ZDHHC5: variants seen among roughly 807,000 people sequenced by gnomAD.
The protein encoded by ZDHHC5 is palmitoyltransferase ZDHHC5.
In ZDHHC5, 22 loss-of-function variants were observed where a neutral mutation model predicts 70.0. The observed-to-expected ratio is 0.31, with a 90% CI of 0.22 to 0.45. ZDHHC5 has a LOEUF of 0.45. Ranked by LOEUF, ZDHHC5 falls within the 20% of genes least tolerant of loss-of-function variation. The pLI, the probability that ZDHHC5 is intolerant of heterozygous loss-of-function variation, is 1.00. For synonymous variants in ZDHHC5, 313 were observed against 347.8 expected, an observed-to-expected ratio of 0.90 and a Z score of 1.11; for missense variants, 746 against 926.9, an observed-to-expected ratio of 0.80 and a Z score of 2.53.
At chr11:57,693,269 C>T (rs1311865202) in intron 7 of ZDHHC5, among the ~76,000 whole-genome samples, 1 of 152,152 alleles carries the variant, frequency 6.6e-6, no homozygotes, top group Non-Finnish European at 1.5e-5. Context: ...AGCACACATA[C>T]AACCTAGATT....
intron 7 of ZDHHC5, 73 bp downstream of exon 7, chr11:57,692,775 A>C (rs567123574): frequency 1.3e-6 from 2 of 1,521,722 alleles, no homozygotes; most frequent in Admixed American, 1.8e-5. Flanking sequence ...GTTCTGGTAA[A>C]GGAGGGGTCT....
rs138361806 is a variant in ZDHHC5 at position 57,698,590 on chromosome 11, C to A, written c.1154C>A (p.Thr385Asn). Residue 385 changes from threonine (T) to asparagine (N), a missense_variant, in exon 11 of 12, where the codon ACC (threonine) becomes AAC (asparagine). Transcript: ENST00000287169. ...CGTGGGGACAGCTTGAAGGAGCCAA[C>A]CTCAATTGCAGAGAGCAGCCGTCAC... ...LSRGDSLKEPTSIAESSRHPS... is the reference protein window; with the variant it reads ...LSRGDSLKEPNSIAESSRHPS... The A allele has an allele frequency of 9.1e-5, 146 of 1,611,788 alleles. No homozygotes were observed. The highest frequency in any genetic ancestry group is 2.3e-4 in the Admixed American group (14 of 59,750).
rs1162511563 is a variant in ZDHHC5, at chr11:57,699,277, T to G, written c.1841T>G (p.Leu614Arg). The G allele has an allele frequency of 6.2e-7, 1 of 1,614,232 alleles. No individual in the cohort carries two copies. Among genetic ancestry groups the G allele is most frequent in the African/African-American group, 1.3e-5 (1 of 75,078 alleles). ...AVPRFGKPDGLRGRGVGSPEP... is the reference protein window; with the variant it reads ...AVPRFGKPDGRRGRGVGSPEP... ...CCCCGTTTTGGCAAGCCAGATGGGC[T>G]AAGGGGCCGGGGAGTAGGGTCCCCT... The change falls in exon 11 of 12, where the codon CTA becomes CGA. Residue 614 changes from leucine (L) to arginine (R), a missense_variant. Leu to Arg is a moderately radical substitution (Grantham distance 102). Coordinates refer to ENST00000287169, the MANE Select transcript of ZDHHC5 (RefSeq NM_015457.3).
chr11:57,684,715 G>A (rs1179157476), intron 3 of ZDHHC5, among the ~76,000 whole-genome samples: 1 of 152,164 alleles, frequency 6.6e-6, no homozygotes, highest in African/African-American at 2.4e-5. Flanking sequence ...ATCATCAGTG[G>A]ACTAAAAGGT....
intron 3 of ZDHHC5, among the ~76,000 whole-genome samples, chr11:57,683,426 C>T (rs1409065378): frequency 6.6e-6 from 1 of 152,086 alleles, no homozygotes; most frequent in Non-Finnish European, 1.5e-5. Flanking sequence ...CATGACTTTT[C>T]ATGATTTTAT....
chr11:57,701,006 C>T lies in ZDHHC5; in HGVS notation c.*975C>T, dbSNP rs549443325. ...AAGGAGTGGCAGGCCTAGGCCCCTC[C>T]GATTGTCCCTTGGGGGTTACCCCTC... On this transcript the variant is annotated 3_prime_UTR_variant, in exon 12 of 12. Transcript: ENST00000287169. 3.9e-5 allele frequency: 6 copies of T among 152,772 alleles called. No homozygotes were observed. The highest frequency in any genetic ancestry group is 2.1e-4 in the South Asian group (1 of 4,824). 9.5% of individuals were successfully genotyped at this position (152,772 alleles called of 1,614,324 possible).
rs1565198067 is a variant in ZDHHC5, at chr11:57,695,900, C to T, written c.886-20C>T. On this transcript the variant is annotated intron_variant, in intron 8 of 11. Transcript: ENST00000287169. ...ATGCTCAATTTCTAAATCTGATTTT[C>T]CCTCCCTTCATCAATCCAGTCTAAG... 6.2e-7 allele frequency: 1 copy of T among 1,606,104 alleles called. No homozygotes were observed. Among genetic ancestry groups the T allele is most frequent in the East Asian group, 2.2e-5 (1 of 44,796 alleles).
chr11:57,686,987 C>T (rs1284806415), intron 3 of ZDHHC5, among the ~76,000 whole-genome samples: 3 of 151,946 alleles, frequency 2.0e-5, no homozygotes, highest in African/African-American at 7.3e-5. Context: ...TGTGCCACCA[C>T]CCCTGGTTAA....
chr11:57,698,530 C>T (rs369653893), intron 10 of ZDHHC5, 29 bp from the exon 11 acceptor site: 8 of 1,562,170 alleles, frequency 5.1e-6, no homozygotes, highest in East Asian at 2.2e-5. Flanking sequence ...AAAAGGAGCA[C>T]TAAGAGCCTG....
At chr11:57,682,767 T>G (rs1316852042) in intron 3 of ZDHHC5, among the ~76,000 whole-genome samples, 2 of 152,242 alleles carry the variant, frequency 1.3e-5, no homozygotes, top group African/African-American at 4.8e-5. Flanking sequence ...TAGGAATATA[T>G]GTCATAACTT....
chr11:57,698,168 C>G (rs892128878), intron 10 of ZDHHC5, among the ~76,000 whole-genome samples: 3 of 149,140 alleles, frequency 2.0e-5, no homozygotes, highest in African/African-American at 7.6e-5. Flanking sequence ...CCAACTGTTA[C>G]GGGAAAAAAA....
intron 2 of ZDHHC5, among the ~76,000 whole-genome samples, chr11:57,680,655 C>T (rs1288779601): frequency 2.0e-5 from 3 of 152,136 alleles, no homozygotes; most frequent in Admixed American, 6.5e-5. Flanking sequence ...CTTCCCCAGG[C>T]GGAAATTGAA....
At position 57,696,061 on chromosome 11, in the gene ZDHHC5, T is replaced by A; in HGVS notation, c.1009+18T>A. On this transcript the variant is annotated intron_variant, in intron 9 of 11. Coordinates refer to ENST00000287169, the MANE Select transcript of ZDHHC5 (RefSeq NM_015457.3). ...TAATGAGGGTAAGGGCTGCCTTGAT[T>A]TGCAAGATACTAGAACTAGGGGCAG... 6.2e-7 allele frequency: 1 copy of A among 1,603,714 alleles called. No homozygotes were observed. Among genetic ancestry groups the A allele is most frequent in the Admixed American group, 1.8e-5 (1 of 56,856 alleles).
At chr11:57,695,099 T>C (rs1590870347) in intron 8 of ZDHHC5, among the ~76,000 whole-genome samples, 1 of 152,028 alleles carries the variant, frequency 6.6e-6, no homozygotes, top group Non-Finnish European at 1.5e-5. Context: ...CCTGTCTCTA[T>C]TAAAAATACA....
At chr11:57,671,396 A>G (rs762846598) in intron 1 of ZDHHC5, among the ~76,000 whole-genome samples, 1 of 152,198 alleles carries the variant, frequency 6.6e-6, no homozygotes, top group African/African-American at 2.4e-5. Flanking sequence ...TGAATTGGGA[A>G]AAAAGAACCA....
chr11:57,698,675 C>T lies in ZDHHC5; in HGVS notation c.1239C>T (p.Gly413=), dbSNP rs1207466821. 6.2e-7 allele frequency: 1 copy of T among 1,614,172 alleles called. No individual in the cohort carries two copies. The highest frequency in any genetic ancestry group is 1.1e-5 in the South Asian group (1 of 91,084). ...EPESFRSPTF[G]KSFHFDPLSS... ...AGAGCTTCCGTTCTCCTACCTTTGG[C>T]AAAAGTTTTCACTTCGATCCACTAT... The change falls in exon 11 of 12, where the codon GGC becomes GGT. Residue 413 remains glycine (G), a synonymous_variant. Coordinates refer to ENST00000287169, the MANE Select transcript of ZDHHC5 (RefSeq NM_015457.3).
intron 7 of ZDHHC5, among the ~76,000 whole-genome samples, chr11:57,693,462 T>C (rs1218708157): frequency 2.6e-5 from 4 of 152,104 alleles, no homozygotes; most frequent in South Asian, 4.1e-4. Context: ...GGCCCAGGGG[T>C]TGGGGACCCC....
At chr11:57,685,756 C>G (rs189116996) in intron 3 of ZDHHC5, among the ~76,000 whole-genome samples, 1 of 151,756 alleles carries the variant, frequency 6.6e-6, no homozygotes, top group African/African-American at 2.4e-5. Context: ...GGCCGGGTGC[C>G]GTGACTCACG....
In ZDHHC5 at chr11:57,695,988, A is replaced by T; in HGVS notation, c.954A>T (p.Pro318=). The T allele has an allele frequency of 6.2e-7, 1 of 1,614,166 alleles. No homozygotes were observed. The highest frequency in any genetic ancestry group is 8.5e-7 in the Non-Finnish European group (1 of 1,180,044). ...ADAEPPPPPK[P]DLSRYTGLRT... is the part of the protein sequence containing the mutation. ...CTGAACCTCCACCTCCTCCTAAGCC[A>T]GACCTGAGCCGTTACACAGGGTTGC... is the stretch of plus-strand genomic sequence containing the variant. Residue 318 remains proline, a synonymous_variant, in exon 9 of 12, where the codon CCA becomes CCT. Coordinates refer to ENST00000287169, the MANE Select transcript of ZDHHC5 (RefSeq NM_015457.3).
Sources: gnomAD v4.1 joint callset for allele counts (sites outside exome capture counted in the v4.1 genomes callset) on GRCh38, gnomAD v4.1.1 for gene constraint, MANE v1.5 for transcripts, NCBI Gene and HGNC (gene_info 2026-07-23, HGNC 2026-07-21) for gene names.